The following WIPF2 variants were observed in gnomAD, a reference collection of about 807,000 sequenced individuals.
The protein encoded by WIPF2 is WAS/WASL interacting protein family member 2, also known as WAS/WASL-interacting protein family member 2.
In WIPF2, 23 loss-of-function variants were observed where a neutral mutation model predicts 38.8. The observed-to-expected ratio is 0.59, with a 90% CI of 0.43 to 0.84. The LOEUF (loss-of-function observed/expected upper bound fraction) is 0.84, where lower values mean the gene tolerates loss of function less well. Ranked by LOEUF, WIPF2 falls within the 40% of genes least tolerant of loss-of-function variation. The probability of loss-of-function intolerance (pLI) is 0.00; values close to 1 mark genes in which losing one functional copy is unlikely to be tolerated. For missense variants in WIPF2, 574 were observed against 580.5 expected, an observed-to-expected ratio of 0.99 and a Z score of 0.11; for synonymous variants, 210 against 223.2, an observed-to-expected ratio of 0.94 and a Z score of 0.53.
intron 1 of WIPF2, among the ~76,000 whole-genome samples, chr17:40,232,144 C>T (rs2030770882): frequency 1.4e-5 from 2 of 141,484 alleles, no homozygotes; most frequent in Admixed American, 7.4e-5. Flanking sequence ...TCCTGAGTAG[C>T]TGGGATTGCA....
rs899963734 is a variant in WIPF2, at chr17:40,219,365, C to T, written c.-197C>T. The T allele has an allele frequency of 1.2e-5, 5 of 400,802 alleles. No individual in the cohort carries two copies. Among genetic ancestry groups the T allele is most frequent in the African/African-American group, 9.4e-5 (4 of 42,716 alleles). 24.8% of individuals were successfully genotyped at this position (400,802 alleles called of 1,614,324 possible). A position where few individuals can be genotyped will look rare whatever the true frequency, so the allele number is the denominator to read the frequency against. ...TCCATTTCCGGGTTGGCAAAAGGGG[C>T]GGTGGCGGCGGCGGCGGCGGCGGCG... On this transcript the variant is annotated 5_prime_UTR_variant, in exon 1 of 8. Coordinates refer to ENST00000323571, the MANE Select transcript of WIPF2 (RefSeq NM_133264.5).
chr17:40,239,175 C>T (rs1473383641), intron 1 of WIPF2, among the ~76,000 whole-genome samples: 1 of 151,214 alleles, frequency 6.6e-6, no homozygotes, highest in African/African-American at 2.4e-5. Flanking sequence ...AGGTTCACGC[C>T]ATTCTCCTGC....
rs757986483 is a variant in WIPF2, at chr17:40,262,673, C to G, written c.313+32C>G. 2.5e-6 allele frequency: 4 copies of G among 1,577,410 alleles called. No individual in the cohort carries two copies. In the African/African-American group the frequency reaches 5.4e-5, roughly 21 times the overall value. ...GATGAGTACTTTCCCAGGGTATTTC[C>G]CTGGTGTGTTAATTTCTGATGTCCC... On this transcript the variant is annotated intron_variant, in intron 4 of 7. Transcript: ENST00000323571.
At chr17:40,234,357 T>G (rs1045003479) in intron 1 of WIPF2, among the ~76,000 whole-genome samples, 1 of 151,984 alleles carries the variant, frequency 6.6e-6, no homozygotes, top group African/African-American at 2.4e-5. Flanking sequence ...TGGGAGAACC[T>G]GGGAGGCGGA....
chr17:40,272,265 C>T (rs948452272), intron 5 of WIPF2, among the ~76,000 whole-genome samples: 18 of 152,086 alleles, frequency 1.2e-4, no homozygotes, highest in Non-Finnish European at 2.1e-4. Context: ...GTGATCCTCC[C>T]GCCTCGGCCT....
chr17:40,229,123 T>C (rs867545123), intron 1 of WIPF2, among the ~76,000 whole-genome samples: 15 of 151,968 alleles, frequency 9.9e-5, no homozygotes, highest in South Asian at 8.3e-4. Flanking sequence ...TGGTCTTTTT[T>C]TTTTTTTAGA....
chr17:40,222,600 T>TGTGTGTGTGTCTGC (rs750121581), intron 1 of WIPF2, among the ~76,000 whole-genome samples: 2,075 of 149,838 alleles, frequency 0.014, 27 homozygotes, highest in Non-Finnish European at 0.021. Context: ...TGTGTGTGTG[T>TGTGTGTGTGTCTGC]GTGTGTCTGC....
chr17:40,231,425 C>CTTTTTT (rs869080815), intron 1 of WIPF2, among the ~76,000 whole-genome samples: 1 of 136,334 alleles, frequency 7.3e-6, no homozygotes, highest in Admixed American at 7.5e-5. Flanking sequence ...GCTTTTCTAC[C>CTTTTTT]TTTTTTTTTT....
At chr17:40,244,955 G>A (rs886728273) in intron 1 of WIPF2, among the ~76,000 whole-genome samples, 4 of 151,916 alleles carry the variant, frequency 2.6e-5, no homozygotes, top group Non-Finnish European at 5.9e-5. Context: ...TGTTGTTGTC[G>A]TGGTTAAATT....
intron 1 of WIPF2, among the ~76,000 whole-genome samples, chr17:40,256,043 A>G (rs1177099569): frequency 6.7e-6 from 1 of 150,064 alleles, no homozygotes; most frequent in African/African-American, 2.5e-5. Flanking sequence ...GCAGTGAGCC[A>G]TGATTGCACC....
intron 5 of WIPF2, 120 bp from the exon 6 acceptor site, chr17:40,273,670 G>A: frequency 1.5e-6 from 1 of 655,618 alleles, no homozygotes; most frequent in Non-Finnish European, 2.8e-6. Context: ...AAGGACAAAG[G>A]GGAACCAGGC....
chr17:40,243,275 C>T (rs1010896627), intron 1 of WIPF2, among the ~76,000 whole-genome samples: 9 of 152,016 alleles, frequency 5.9e-5, no homozygotes, highest in African/African-American at 1.9e-4. Context: ...AGTGTCACTG[C>T]AGTTGGTATA....
chr17:40,269,368 A>G (rs1008653656), intron 5 of WIPF2, among the ~76,000 whole-genome samples: 1 of 151,236 alleles, frequency 6.6e-6, no homozygotes, highest in Non-Finnish European at 1.5e-5. Flanking sequence ...AAACCTAGCC[A>G]GGCGTGGTAG....
In WIPF2 at chr17:40,257,374, A is replaced by G. The variant is rs368481280; in HGVS notation, c.63+852A>G. ...CCAAGTCCATCAAGTTGAACACCTTATCAAGAAGGAAAGGAGTTTTTGGAA... is the reference window on the plus strand; with the variant it reads ...CCAAGTCCATCAAGTTGAACACCTTGTCAAGAAGGAAAGGAGTTTTTGGAA... On this transcript the variant is annotated intron_variant, in intron 2 of 7. Transcript: ENST00000323571. Among the ~76,000 whole-genome samples the G allele has an allele frequency of 9.8e-5, 15 of 152,290 alleles. No homozygotes were observed. The East Asian group carries it at 2.5e-3, about 25-fold the overall frequency.
chr17:40,254,525 G>A (rs1441984717), intron 1 of WIPF2, among the ~76,000 whole-genome samples: 1 of 152,032 alleles, frequency 6.6e-6, no homozygotes, highest in Non-Finnish European at 1.5e-5. Flanking sequence ...CTTGAGTTCT[G>A]GTTTTAGTCT....
rs2032607387 is a variant in WIPF2 at position 40,283,977 on chromosome 17, T to A, written c.*5752T>A. The stretch of plus-strand genomic sequence containing the variant: ...GGTGTGTGTATGAATCACTCTCACA[T>A]AATTTAGATATAAAAACCTATGAGG... On this transcript the variant is annotated 3_prime_UTR_variant, in exon 8 of 8. Transcript: ENST00000323571. The A allele has an allele frequency of 6.6e-6, 1 of 152,058 alleles. No homozygotes were observed. The highest frequency in any genetic ancestry group is 1.5e-5 in the Non-Finnish European group (1 of 68,006). The allele number at this position is 152,058 out of a possible 1,614,324, so 9.4% of individuals were successfully genotyped here.
chr17:40,246,784 A>C (rs191857822), intron 1 of WIPF2, among the ~76,000 whole-genome samples: 1,736 of 152,176 alleles, frequency 0.011, 29 homozygotes, highest in African/African-American at 0.039. Context: ...AATGAGAGAG[A>C]ACCCTAGAAA....
chr17:40,239,415 C>T (rs1012562222), intron 1 of WIPF2, among the ~76,000 whole-genome samples: 2 of 152,000 alleles, frequency 1.3e-5, no homozygotes, highest in African/African-American at 4.8e-5. Flanking sequence ...AGAAGCTCAT[C>T]AAGTGGTGGA....
intron 1 of WIPF2, among the ~76,000 whole-genome samples, chr17:40,253,647 T>C (rs1011903781): frequency 1.3e-5 from 2 of 152,188 alleles, no homozygotes; most frequent in African/African-American, 4.8e-5. Flanking sequence ...GTATTTCCCT[T>C]GGAGGGAATT....
Sources: allele counts gnomAD v4.1 joint callset (sites outside exome capture counted in the v4.1 genomes callset), GRCh38; gene constraint gnomAD v4.1.1; transcripts MANE v1.5; gene names NCBI Gene and HGNC (gene_info 2026-07-23, HGNC 2026-07-21).